The following CAMTA1 variants were observed in gnomAD, a reference collection of about 807,000 sequenced individuals.
CAMTA1 encodes calmodulin binding transcription activator 1.
Under a neutral mutation model 170.9 loss-of-function variants are expected in CAMTA1, and 27 were observed. The ratio of observed to expected loss-of-function variants is 0.16; its 90% CI spans 0.12 to 0.22. The LOEUF is 0.22. CAMTA1 is among the 10% of genes least tolerant of loss of function. The probability of loss-of-function intolerance (pLI) is 1.00; values close to 1 mark genes in which losing one functional copy is unlikely to be tolerated. For synonymous variants in CAMTA1, 833 were observed against 891.5 expected (o/e 0.93, Z 1.17); for missense variants, 1,619 against 2,217.2 (o/e 0.73, Z 5.42).
At chr1:7,528,996 A>C (rs1192428860) in intron 6 of CAMTA1, among the ~76,000 whole-genome samples, 2 of 152,044 alleles carry the variant, frequency 1.3e-5, no homozygotes, top group Non-Finnish European at 2.9e-5. Context: ...TAGTCATGCC[A>C]GTAACTAGTC....
chr1:6,804,721 T>A lies in CAMTA1; in HGVS notation c.46-15460T>A, dbSNP rs188188957. ...TCATCCCTTTTTTAAAATTAAAAAA[T>A]TTTAAATTTAATATAATAGAGATGG... On this transcript the variant is annotated intron_variant, in intron 1 of 22. Transcript: ENST00000303635. Among the ~76,000 whole-genome samples the A allele has an allele frequency of 5.0e-3, 756 of 152,094 alleles. 2 individuals are homozygous for A. The highest frequency in any genetic ancestry group is 8.1e-3 in the Non-Finnish European group (550 of 67,970).
At chr1:7,302,015 T>C (rs912824947) in intron 5 of CAMTA1, among the ~76,000 whole-genome samples, 7 of 152,180 alleles carry the variant, frequency 4.6e-5, no homozygotes, top group Non-Finnish European at 8.8e-5. Context: ...TCTGCAGCCA[T>C]GGATGAATAA....
chr1:7,643,903 G>A (rs1264587435), intron 7 of CAMTA1, among the ~76,000 whole-genome samples: 2 of 151,874 alleles, frequency 1.3e-5, no homozygotes, highest in East Asian at 1.9e-4. Context: ...GTGTGTGTCC[G>A]GGGACAGCAG....
intron 3 of CAMTA1, among the ~76,000 whole-genome samples, chr1:6,853,913 G>A (rs1054218323): frequency 6.6e-6 from 1 of 152,108 alleles, no homozygotes; most frequent in African/African-American, 2.4e-5. Context: ...AATACATAAA[G>A]CAAGAATTAA....
intron 4 of CAMTA1, among the ~76,000 whole-genome samples, chr1:7,230,608 C>G (rs532784079): frequency 1.8e-4 from 28 of 152,250 alleles, no homozygotes; most frequent in Non-Finnish European, 3.5e-4. Flanking sequence ...CTTAGGTGTG[C>G]GAGAAAATCA....
chr1:7,655,091 TAC>T (rs535253795), intron 7 of CAMTA1, among the ~76,000 whole-genome samples: 4,544 of 40,570 alleles, frequency 0.11, 401 homozygotes, highest in African/African-American at 0.3. Context: ...CACCCACCTA[TAC>T]ACACACACCT....
At chr1:7,375,604 T>C (rs2086785704) in intron 5 of CAMTA1, among the ~76,000 whole-genome samples, 1 of 152,112 alleles carries the variant, frequency 6.6e-6, no homozygotes, top group Non-Finnish European at 1.5e-5. Context: ...AAACCCATCT[T>C]CCCGTCTGGA....
At chr1:7,504,043 T>C (rs2094055926) in intron 6 of CAMTA1, among the ~76,000 whole-genome samples, 1 of 151,910 alleles carries the variant, frequency 6.6e-6, no homozygotes, top group Non-Finnish European at 1.5e-5. Context: ...CAGGAGAGGG[T>C]GGCAGCCTCA....
intron 6 of CAMTA1, among the ~76,000 whole-genome samples, chr1:7,607,514 G>A (rs1452632082): frequency 1.3e-5 from 2 of 151,984 alleles, no homozygotes; most frequent in African/African-American, 4.8e-5. Flanking sequence ...AGATGAGTAA[G>A]TGGAGGGGTT....
intron 4 of CAMTA1, among the ~76,000 whole-genome samples, chr1:7,122,916 C>A (rs1644730206): frequency 6.6e-6 from 1 of 152,208 alleles, no homozygotes; most frequent in South Asian, 2.1e-4. Flanking sequence ...CCCAGCCATT[C>A]TCCCTCTAGA....
At chr1:7,439,210 C>A (rs2092444758) in intron 5 of CAMTA1, among the ~76,000 whole-genome samples, 1 of 152,184 alleles carries the variant, frequency 6.6e-6, no homozygotes. Flanking sequence ...GTGGGACAGG[C>A]TCCCCATTTC....
rs34168518 is a variant in CAMTA1 at position 7,543,837 on chromosome 1, CTT to C, written c.510+75949_510+75950del. Among the ~76,000 whole-genome samples the C allele has an allele frequency of 1.1e-3, 161 of 147,436 alleles. 1 individual carries two copies. Among genetic ancestry groups the C allele is most frequent in the Middle Eastern group, 3.6e-3 (1 of 280 alleles). On this transcript the variant is annotated intron_variant, in intron 6 of 22. Coordinates refer to ENST00000303635, the MANE Select transcript of CAMTA1 (RefSeq NM_015215.4). The stretch of plus-strand genomic sequence containing the variant: ...AAATGAGTGCTGGCAGCGAGCAGAA[CTT>C]TTTTTTTTTTTTCTGAACAGGAAAA...
At chr1:7,123,496 G>A (rs1443960056) in intron 4 of CAMTA1, among the ~76,000 whole-genome samples, 3 of 152,104 alleles carry the variant, frequency 2.0e-5, no homozygotes, top group East Asian at 1.9e-4. Context: ...CCTATAGTAG[G>A]TGCCACGTCT....
intron 11 of CAMTA1, among the ~76,000 whole-genome samples, chr1:7,687,248 G>C (rs1248409149): frequency 6.6e-6 from 1 of 151,422 alleles, no homozygotes; most frequent in Admixed American, 6.6e-5. Flanking sequence ...GGAGGGAGGG[G>C]GACAGCCAGT....
chr1:6,962,368 G>GCCCCT (rs1205568502), intron 3 of CAMTA1, among the ~76,000 whole-genome samples: 1 of 44,350 alleles, frequency 2.3e-5, no homozygotes, highest in African/African-American at 8.3e-5. Context: ...ACCCCGCCCC[G>GCCCCT]CCCCTCCTCC....
At chr1:7,147,070 C>G (rs773371769) in intron 4 of CAMTA1, among the ~76,000 whole-genome samples, 1 of 151,614 alleles carries the variant, frequency 6.6e-6, no homozygotes. Flanking sequence ...ATATCACACA[C>G]ATGCACACAA....
intron 6 of CAMTA1, among the ~76,000 whole-genome samples, chr1:7,611,320 T>C (rs2095522485): frequency 6.6e-6 from 1 of 152,152 alleles, no homozygotes; most frequent in African/African-American, 2.4e-5. Context: ...CTAAACATTA[T>C]CTCCGTTACT....
intron 5 of CAMTA1, among the ~76,000 whole-genome samples, chr1:7,329,463 A>G (rs1016617331): frequency 1.3e-5 from 2 of 152,176 alleles, no homozygotes; most frequent in East Asian, 3.8e-4. Context: ...AATTTTGCCA[A>G]TTTATGTCAA....
At chr1:7,326,571 G>A (rs1034149199) in intron 5 of CAMTA1, among the ~76,000 whole-genome samples, 5 of 152,208 alleles carry the variant, frequency 3.3e-5, no homozygotes, top group Non-Finnish European at 7.3e-5. Flanking sequence ...ATACACAGAG[G>A]AAAAAACGTG....
Sources: gnomAD v4.1 joint callset for allele counts (sites outside exome capture counted in the v4.1 genomes callset) on GRCh38, gnomAD v4.1.1 for gene constraint, MANE v1.5 for transcripts, NCBI Gene and HGNC (gene_info 2026-07-23, HGNC 2026-07-21) for gene names.